The following FGD6 variants were observed in gnomAD, a reference collection of about 807,000 sequenced individuals.
FGD6 encodes FYVE, RhoGEF and PH domain-containing protein 6.
FGD6 carries 90 observed loss-of-function variants against 149.4 expected under a neutral mutation model. The ratio of observed to expected loss-of-function variants is 0.60; its 90% CI spans 0.51 to 0.72. The LOEUF is 0.72. FGD6 is among the 30% of genes least tolerant of loss of function. FGD6 has a pLI of 0.00. For missense variants in FGD6, 1,437 were observed against 1,684.8 expected, an observed-to-expected ratio of 0.85 and a Z score of 2.57; for synonymous variants, 527 against 584.0, an observed-to-expected ratio of 0.90 and a Z score of 1.41.
rs1879835174 is a variant in FGD6 at position 95,141,320 on chromosome 12, T to C, written c.2837+68A>G. ...GTAATGAAAATATATCTCTGTCACATGTGGGGCCCTTATGGCTTCATCTAA... is the reference window on the plus strand; with the variant it reads ...GTAATGAAAATATATCTCTGTCACACGTGGGGCCCTTATGGCTTCATCTAA... On this transcript the variant is annotated intron_variant, in intron 6 of 20. Transcript: ENST00000343958. The C allele has an allele frequency of 6.8e-6, 10 of 1,473,354 alleles. No homozygotes were observed. The South Asian group carries it at 8.4e-5, about 12-fold the overall frequency. The allele number at this position is 1,473,354 out of a possible 1,614,324, so 91.3% of individuals were successfully genotyped here.
chr12:95,165,128 A>G (rs1458720116), intron 3 of FGD6, among the ~76,000 whole-genome samples: 1 of 152,210 alleles, frequency 6.6e-6, no homozygotes, highest in Non-Finnish European at 1.5e-5. Context: ...AGGACAGATC[A>G]GCATGGCTAG....
chr12:95,150,061 CTT>C (rs1469230950), intron 5 of FGD6, among the ~76,000 whole-genome samples: 25 of 147,446 alleles, frequency 1.7e-4, no homozygotes, highest in African/African-American at 6.2e-4. Context: ...GAGTTTCGCT[CTT>C]GTTGCCCAGG....
At chr12:95,116,621 GA>G (rs1171256982) in intron 8 of FGD6, among the ~76,000 whole-genome samples, 3 of 152,154 alleles carry the variant, frequency 2.0e-5, no homozygotes, top group African/African-American at 7.2e-5. Context: ...ACACTGAGCA[GA>G]AAACCCACCG....
chr12:95,141,101 T>C (rs1879828823), intron 6 of FGD6, among the ~76,000 whole-genome samples: 1 of 152,132 alleles, frequency 6.6e-6, no homozygotes, highest in African/African-American at 2.4e-5. Context: ...CACACGCCTA[T>C]AATCCCAGCT....
At chr12:95,159,363 A>G (rs1880571863) in intron 3 of FGD6, among the ~76,000 whole-genome samples, 1 of 152,248 alleles carries the variant, frequency 6.6e-6, no homozygotes, top group Admixed American at 6.5e-5. Context: ...TGAATTAGGC[A>G]GAGTTATTAG....
At chr12:95,101,681 C>CTTTTTT (rs757955014) in intron 14 of FGD6, among the ~76,000 whole-genome samples, 30 of 107,786 alleles carry the variant, frequency 2.8e-4, no homozygotes, top group Admixed American at 4.7e-4. Flanking sequence ...TTTGAACTTT[C>CTTTTTT]TTTTTTTTTT....
Position 95,078,149 on chromosome 12 carries a change from G to A in FGD6, c.*3371C>T, listed in dbSNP as rs2136227116. On this transcript the variant is annotated 3_prime_UTR_variant, in exon 21 of 21. Coordinates refer to ENST00000343958, the MANE Select transcript of FGD6 (RefSeq NM_018351.4). ...AAGCCCAGGCATTTGAGTTCAGCATGGGAAACATAGCGAGACCCGGTCTCT... is the reference window on the plus strand; with the variant it reads ...AAGCCCAGGCATTTGAGTTCAGCATAGGAAACATAGCGAGACCCGGTCTCT... 1 of 152,334 alleles carries A rather than the reference G, an allele frequency of 6.6e-6. No homozygotes were observed. Among genetic ancestry groups the A allele is most frequent in the East Asian group, 1.9e-4 (1 of 5,182 alleles). 9.4% of individuals were successfully genotyped at this position (152,334 alleles called of 1,614,324 possible). A position where few individuals can be genotyped will look rare whatever the true frequency, so the allele number is the denominator to read the frequency against.
intron 2 of FGD6, among the ~76,000 whole-genome samples, chr12:95,193,359 A>T: frequency 6.9e-6 from 1 of 144,874 alleles, no homozygotes; most frequent in Admixed American, 7.0e-5. Context: ...ATCATGCTGA[A>T]TTTTTTTTTT....
intron 9 of FGD6, among the ~76,000 whole-genome samples, chr12:95,112,298 C>G (rs1878852872): frequency 6.6e-6 from 1 of 150,738 alleles, no homozygotes; most frequent in Non-Finnish European, 1.5e-5. Context: ...TAACATGTTT[C>G]TGCAGTTAGA....
intron 2 of FGD6, among the ~76,000 whole-genome samples, chr12:95,194,731 CA>C (rs1191033948): frequency 6.6e-6 from 1 of 152,012 alleles, no homozygotes; most frequent in Admixed American, 6.6e-5. Flanking sequence ...CATGTGAGTA[CA>C]AGTAAAAACG....
Position 95,217,205 on chromosome 12 carries a change from G to A in FGD6, c.16+20C>T, listed in dbSNP as rs2136318543. On this transcript the variant is annotated intron_variant, in intron 1 of 20. Coordinates refer to ENST00000343958, the MANE Select transcript of FGD6 (RefSeq NM_018351.4). Reference sequence around the variant, plus strand: ...GCTCGCCACAAACTTTCCCGCGGCAGCGCGAGCGCCGTCACTTACCGGCTG... The same window carrying A: ...GCTCGCCACAAACTTTCCCGCGGCAACGCGAGCGCCGTCACTTACCGGCTG... The A allele has an allele frequency of 6.2e-7, 1 of 1,612,496 alleles. No individual in the cohort carries two copies.
At chr12:95,142,670 AATGAGT>A (rs1268262611) in intron 5 of FGD6, among the ~76,000 whole-genome samples, 1 of 152,260 alleles carries the variant, frequency 6.6e-6, no homozygotes, top group Non-Finnish European at 1.5e-5. Flanking sequence ...TCATCTGCTA[AATGAGT>A]ATAATACTAG....
intron 5 of FGD6, among the ~76,000 whole-genome samples, chr12:95,142,458 T>C (rs1592849723): frequency 6.6e-6 from 1 of 152,110 alleles, no homozygotes; most frequent in East Asian, 1.9e-4. Context: ...TTCTATTTTT[T>C]GTAGAGACAA....
intron 3 of FGD6, among the ~76,000 whole-genome samples, chr12:95,160,778 C>T (rs563690154): frequency 3.1e-4 from 47 of 151,936 alleles, no homozygotes; most frequent in Non-Finnish European, 8.8e-5. Flanking sequence ...GCAGGAGAAT[C>T]GCTTGAACCC....
chr12:95,106,114 T>TATC (rs568634416), intron 13 of FGD6, among the ~76,000 whole-genome samples: 95,112 of 151,272 alleles, frequency 0.63, 30,118 homozygotes, highest in East Asian at 0.68. Context: ...TTCTCTAAAA[T>TATC]ATATATTTGT....
Position 95,217,433 on chromosome 12 carries a change from C to T in FGD6, c.-193G>A. 2 of 878,242 alleles carry T rather than the reference C, an allele frequency of 2.3e-6. No individual in the cohort carries two copies. Among genetic ancestry groups the T allele is most frequent in the Admixed American group, 8.3e-5 (2 of 23,964 alleles). The allele number at this position is 878,242 out of a possible 1,614,324, so 54.4% of individuals were successfully genotyped here. On this transcript the variant is annotated 5_prime_UTR_variant, in exon 1 of 21. Transcript: ENST00000343958. ...CTAGCGACCCTGCGGCGCTCCCGGGCGCGAGCCGCCGGGGTCGGGCGGGCG... is the reference window on the plus strand; with the variant it reads ...CTAGCGACCCTGCGGCGCTCCCGGGTGCGAGCCGCCGGGGTCGGGCGGGCG...
chr12:95,084,007 CCTTCTACT>C (rs1363625387), intron 20 of FGD6, among the ~76,000 whole-genome samples: 2 of 152,228 alleles, frequency 1.3e-5, no homozygotes, highest in Non-Finnish European at 2.9e-5. Context: ...ATAGCCATTT[CCTTCTACT>C]CAGTCACTGG....
At chr12:95,185,685 A>C (rs1565918620) in intron 2 of FGD6, among the ~76,000 whole-genome samples, 1 of 152,054 alleles carries the variant, frequency 6.6e-6, no homozygotes, top group Non-Finnish European at 1.5e-5. Flanking sequence ...ACATGGCGAA[A>C]CCTCGTCTCT....
rs763189213 is a variant in FGD6 at position 95,084,572 on chromosome 12, A to G, written c.4182T>C (p.Ser1394=). ...TTTTGTGCAGTAACTGAAATACTTTAGACTCGGAATTCTCATCTTTAACTT... is the reference window on the plus strand; with the variant it reads ...TTTTGTGCAGTAACTGAAATACTTTGGACTCGGAATTCTCATCTTTAACTT... ...VIQVKDENSE[S]KVFQLLHKNM... Residue 1394 remains serine, a synonymous_variant, in exon 20 of 21, where the codon TCT becomes TCC. Coordinates refer to ENST00000343958, the MANE Select transcript of FGD6 (RefSeq NM_018351.4). 1.2e-6 allele frequency: 2 copies of G among 1,607,152 alleles called. No individual in the cohort carries two copies. Among genetic ancestry groups the G allele is most frequent in the Non-Finnish European group, 1.7e-6 (2 of 1,177,556 alleles).
Sources: gnomAD v4.1 joint callset for allele counts (sites outside exome capture counted in the v4.1 genomes callset) on GRCh38, gnomAD v4.1.1 for gene constraint, MANE v1.5 for transcripts, NCBI Gene and HGNC (gene_info 2026-07-23, HGNC 2026-07-21) for gene names.